THSD4: variants seen among roughly 807,000 people sequenced by gnomAD.
THSD4 encodes thrombospondin type-1 domain-containing protein 4.
Under a neutral mutation model 119.0 loss-of-function variants are expected in THSD4, and 69 were observed. The ratio of observed to expected loss-of-function variants is 0.58; its 90% CI spans 0.48 to 0.71. The LOEUF (loss-of-function observed/expected upper bound fraction) is 0.71, where lower values mean the gene tolerates loss of function less well. THSD4 is among the 30% of genes least tolerant of loss of function. THSD4 has a pLI of 0.00. For missense variants in THSD4, 1,393 were observed against 1,391.1 expected (o/e 1.00, Z -0.02); for synonymous variants, 524 against 540.4 (o/e 0.97, Z 0.42).
intron 4 of THSD4, among the ~76,000 whole-genome samples, chr15:71,227,343 G>C (rs1038221399): frequency 6.6e-6 from 1 of 152,206 alleles, no homozygotes; most frequent in Non-Finnish European, 1.5e-5. Context: ...TATGGAAAAA[G>C]CCTGACTGCA....
At chr15:71,292,479 A>AT (rs2044804646) in intron 6 of THSD4, among the ~76,000 whole-genome samples, 1 of 150,790 alleles carries the variant, frequency 6.6e-6, no homozygotes. Flanking sequence ...TTCTGTTTTT[A>AT]TTTTTGGTTC....
At chr15:71,296,996 T>A (rs889970143) in intron 6 of THSD4, among the ~76,000 whole-genome samples, 1 of 152,224 alleles carries the variant, frequency 6.6e-6, no homozygotes, top group African/African-American at 2.4e-5. Flanking sequence ...CTTTTGGCTG[T>A]TTCTGCCCCA....
At chr15:71,212,520 C>T (rs1252754998) in intron 3 of THSD4, among the ~76,000 whole-genome samples, 2 of 152,146 alleles carry the variant, frequency 1.3e-5, no homozygotes, top group Non-Finnish European at 1.5e-5. Context: ...GATCAGGAGG[C>T]GGTGGATAAC....
chr15:71,491,690 G>A (rs779063127), intron 7 of THSD4, among the ~76,000 whole-genome samples: 4 of 147,306 alleles, frequency 2.7e-5, no homozygotes, highest in Non-Finnish European at 4.5e-5. Flanking sequence ...AGGCAAATAG[G>A]GAGACTCCAT....
chr15:71,358,690 A>AGT (rs2045854778), intron 6 of THSD4, among the ~76,000 whole-genome samples: 1 of 152,242 alleles, frequency 6.6e-6, no homozygotes, highest in Admixed American at 6.5e-5. Context: ...ATACACGTAA[A>AGT]GTGCCTAGAA....
At chr15:71,434,840 A>G (rs1384228410) in intron 7 of THSD4, among the ~76,000 whole-genome samples, 2 of 152,328 alleles carry the variant, frequency 1.3e-5, no homozygotes, top group East Asian at 3.9e-4. Context: ...GGGGACAAAC[A>G]GCACATATTC....
chr15:71,437,420 C>CT (rs1320087131), intron 7 of THSD4, among the ~76,000 whole-genome samples: 2 of 152,206 alleles, frequency 1.3e-5, no homozygotes, highest in African/African-American at 4.8e-5. Context: ...CAGCTTGAGT[C>CT]TTTCTTCCTG....
chr15:71,292,783 T>G (rs370429930), intron 6 of THSD4, among the ~76,000 whole-genome samples: 2 of 151,794 alleles, frequency 1.3e-5, no homozygotes, highest in East Asian at 1.9e-4. Context: ...TTCACACCAT[T>G]CTCCTGCCTC....
intron 6 of THSD4, among the ~76,000 whole-genome samples, chr15:71,273,571 G>A (rs1218586265): frequency 6.6e-6 from 1 of 152,114 alleles, no homozygotes; most frequent in Non-Finnish European, 1.5e-5. Context: ...ATAAGTATGA[G>A]GTGAGGGATA....
intron 7 of THSD4, among the ~76,000 whole-genome samples, chr15:71,470,821 G>A (rs1264322843): frequency 6.6e-6 from 1 of 151,690 alleles, no homozygotes; most frequent in African/African-American, 2.4e-5. Flanking sequence ...ATTTTTAGTA[G>A]AGACGGGGTT....
chr15:71,361,414 A>G (rs1435506160), intron 6 of THSD4, among the ~76,000 whole-genome samples: 1 of 152,258 alleles, frequency 6.6e-6, no homozygotes, highest in Non-Finnish European at 1.5e-5. Context: ...AACTGTATGA[A>G]AAGATGCTCA....
At chr15:71,224,370 T>A (rs918253890) in intron 4 of THSD4, among the ~76,000 whole-genome samples, 10 of 152,106 alleles carry the variant, frequency 6.6e-5, no homozygotes, top group Non-Finnish European at 1.0e-4. Flanking sequence ...TGGCCAACAT[T>A]TTTTCCGTGA....
intron 6 of THSD4, among the ~76,000 whole-genome samples, chr15:71,268,780 G>T (rs1289220380): frequency 6.6e-6 from 1 of 151,662 alleles, no homozygotes; most frequent in African/African-American, 2.4e-5. Flanking sequence ...ATTATAAAGG[G>T]TAGATCACTG....
At chr15:71,447,120 T>TG (rs2047195511) in intron 7 of THSD4, among the ~76,000 whole-genome samples, 1 of 132,976 alleles carries the variant, frequency 7.5e-6, no homozygotes, top group East Asian at 2.6e-4. Context: ...TTTTTTTTGT[T>TG]TTTTTTTTTT....
intron 3 of THSD4, among the ~76,000 whole-genome samples, chr15:71,160,685 TTTCTC>T (rs1182234258): frequency 6.6e-6 from 1 of 151,972 alleles, no homozygotes; most frequent in Non-Finnish European, 1.5e-5. Flanking sequence ...ATTTGAGTCT[TTTCTC>T]TTTTTTTTCT....
At chr15:71,198,873 AT>A (rs2043743269) in intron 3 of THSD4, among the ~76,000 whole-genome samples, 1 of 152,210 alleles carries the variant, frequency 6.6e-6, no homozygotes, top group Non-Finnish European at 1.5e-5. Context: ...CATTTAATGA[AT>A]CAGAGCGACA....
At chr15:71,203,208 G>T (rs1567156181) in intron 3 of THSD4, among the ~76,000 whole-genome samples, 4 of 152,162 alleles carry the variant, frequency 2.6e-5, no homozygotes, top group Non-Finnish European at 5.9e-5. Context: ...GGACAGAGAT[G>T]GAGTTGAAGC....
intron 6 of THSD4, among the ~76,000 whole-genome samples, chr15:71,299,929 C>T (rs1448075279): frequency 6.9e-6 from 1 of 144,896 alleles, no homozygotes; most frequent in African/African-American, 2.6e-5. Flanking sequence ...TTCAGAACAG[C>T]CTGGGCATCA....
intron 8 of THSD4, among the ~76,000 whole-genome samples, chr15:71,688,564 A>C (rs1281950021): frequency 1.3e-5 from 2 of 152,244 alleles, no homozygotes; most frequent in Non-Finnish European, 2.9e-5. Flanking sequence ...TATTTGCAAA[A>C]ATAATAGATG....
Sources: gnomAD v4.1 joint callset for allele counts (sites outside exome capture counted in the v4.1 genomes callset) on GRCh38, gnomAD v4.1.1 for gene constraint, MANE v1.5 for transcripts, NCBI Gene and HGNC (gene_info 2026-07-23, HGNC 2026-07-21) for gene names.